The following EYS variants were observed in gnomAD, a reference collection of about 807,000 sequenced individuals.
The protein encoded by EYS is protein eyes shut homolog.
A neutral mutation model predicts 282.1 loss-of-function variants in EYS; 250 were observed. The observed-to-expected ratio is 0.89, with a 90% CI of 0.80 to 0.98. The LOEUF is 0.98. Ranked by LOEUF, EYS falls within the 50% of genes least tolerant of loss-of-function variation. The pLI is 0.00. For synonymous variants in EYS, 1,355 were observed against 1,282.9 expected (o/e 1.06, Z -1.20); for missense variants, 4,016 against 3,709.0 (o/e 1.08, Z -2.15).
intron 21 of EYS, among the ~76,000 whole-genome samples, chr6:64,815,040 T>G (rs564497960): frequency 8.7e-4 from 133 of 152,164 alleles, no homozygotes; most frequent in Non-Finnish European, 1.4e-3. Context: ...TAGATGATGT[T>G]AAAAATCATC....
intron 31 of EYS, among the ~76,000 whole-genome samples, chr6:64,179,552 TG>T (rs1353482497): frequency 6.6e-6 from 1 of 152,054 alleles, no homozygotes; most frequent in Non-Finnish European, 1.5e-5. Context: ...GTAAGAGGCC[TG>T]GCACTTAGTA....
chr6:63,727,737 A>AATATATATATATATATAT (rs70999122), intron 41 of EYS, among the ~76,000 whole-genome samples: 729 of 36,588 alleles, frequency 0.02, 56 homozygotes, highest in Non-Finnish European at 0.024. Context: ...AAAAAAAAAA[A>AATATATATATATATATAT]ATATATATAT....
chr6:63,977,379 A>G (rs967892996), intron 35 of EYS, among the ~76,000 whole-genome samples: 1 of 129,626 alleles, frequency 7.7e-6, no homozygotes, highest in African/African-American at 3.0e-5. Flanking sequence ...TAACTAATAT[A>G]TTTACCCATT....
chr6:64,632,306 T>C (rs1027349220), intron 22 of EYS, among the ~76,000 whole-genome samples: 1 of 13,428 alleles, frequency 7.4e-5, no homozygotes, highest in Non-Finnish European at 6.4e-3. Context: ...TCTTAAGATA[T>C]GCAAAAAATT....
intron 36 of EYS, among the ~76,000 whole-genome samples, chr6:63,811,287 C>A (rs531020291): frequency 6.6e-6 from 1 of 152,268 alleles, no homozygotes; most frequent in East Asian, 1.9e-4. Flanking sequence ...TCCAGTCAGG[C>A]TATCTTCTCT....
At chr6:65,029,095 A>G (rs1772518702) in intron 13 of EYS, among the ~76,000 whole-genome samples, 1 of 152,078 alleles carries the variant, frequency 6.6e-6, no homozygotes, top group African/African-American at 2.4e-5. Context: ...TGTCCTTTTG[A>G]TTTATTCTCC....
rs186185216 is a variant in EYS, at chr6:65,140,178, A to T, written c.2024-82451T>A. ...AAAAATTAGAAAGTCTCAGCAAAGA[A>T]ATATAAGATATTAAGAAGAATGAAA... On this transcript the variant is annotated intron_variant, in intron 12 of 42. Transcript: ENST00000503581. Among the ~76,000 whole-genome samples the T allele has an allele frequency of 3.2e-3, 491 of 152,190 alleles. 1 individual carries two copies. Among genetic ancestry groups the T allele is most frequent in the Non-Finnish European group, 5.1e-3 (346 of 67,984 alleles).
chr6:65,543,107 C>G (rs1415938597), intron 2 of EYS, among the ~76,000 whole-genome samples: 1 of 151,940 alleles, frequency 6.6e-6, no homozygotes, highest in Non-Finnish European at 1.5e-5. Context: ...CAACATCTGC[C>G]CCCCAGGCTC....
chr6:64,151,345 A>T (rs867573811), intron 31 of EYS, among the ~76,000 whole-genome samples: 3,304 of 118,284 alleles, frequency 0.028, 478 homozygotes, highest in African/African-American at 0.13. Context: ...ATATATATAT[A>T]TATATATATA....
intron 2 of EYS, among the ~76,000 whole-genome samples, chr6:65,530,224 C>T (rs1466714976): frequency 6.6e-6 from 1 of 152,098 alleles, no homozygotes; most frequent in Non-Finnish European, 1.5e-5. Flanking sequence ...AATTATTTTG[C>T]TTGGTAGCCT....
rs1471589627 is a variant in EYS, at chr6:64,307,039, A to G, written c.6122T>C (p.Ile2041Thr). Residue 2041 changes from isoleucine to threonine, a missense_variant, in exon 30 of 43, where the codon ATA (isoleucine) becomes ACA (threonine). By Grantham distance (89) the Ile-to-Thr change is moderately conservative. Coordinates refer to ENST00000503581, the MANE Select transcript of EYS (RefSeq NM_001142800.2). Reference sequence around the variant, plus strand: ...GAAAGATCTCCAGTTATTTATTTCTATAACTTCTATGCAGCCAGTAAAATT... The same window carrying G: ...GAAAGATCTCCAGTTATTTATTTCTGTAACTTCTATGCAGCCAGTAAAATT... ...VKNFTGCIEV[I>T]EINNWRSFIP... 3 of 1,544,386 alleles carry G rather than the reference A, an allele frequency of 1.9e-6. No individual in the cohort carries two copies. The highest frequency in any genetic ancestry group is 1.7e-4 in the Middle Eastern group (1 of 5,936).
chr6:65,179,778 C>T (rs1038072342), intron 12 of EYS, among the ~76,000 whole-genome samples: 4 of 151,974 alleles, frequency 2.6e-5, no homozygotes, highest in African/African-American at 7.3e-5. Flanking sequence ...GACCAATATC[C>T]TTGATGAACA....
At chr6:64,159,653 A>T in intron 31 of EYS, among the ~76,000 whole-genome samples, 1 of 148,242 alleles carries the variant, frequency 6.7e-6, no homozygotes, top group African/African-American at 2.5e-5. Flanking sequence ...ATTCTTGTTG[A>T]TGTGAAACCC....
chr6:65,659,695 T>C (rs1239284167), intron 1 of EYS, among the ~76,000 whole-genome samples: 1 of 147,842 alleles, frequency 6.8e-6, no homozygotes, highest in Non-Finnish European at 1.5e-5. Context: ...TTAGCTGCTA[T>C]GCTTTCTATT....
At chr6:64,152,747 A>T (rs971238407) in intron 31 of EYS, among the ~76,000 whole-genome samples, 1 of 152,008 alleles carries the variant, frequency 6.6e-6, no homozygotes, top group African/African-American at 2.4e-5. Context: ...GAAAAGGAAA[A>T]CCAATGAGAT....
chr6:64,599,042 G>C (rs1766676622), intron 24 of EYS, among the ~76,000 whole-genome samples: 1 of 152,180 alleles, frequency 6.6e-6, no homozygotes, highest in African/African-American at 2.4e-5. Context: ...AGAGAATAAG[G>C]GAAGGCCATG....
At chr6:63,964,563 A>G (rs1011912333) in intron 35 of EYS, among the ~76,000 whole-genome samples, 2 of 152,186 alleles carry the variant, frequency 1.3e-5, no homozygotes, top group African/African-American at 2.4e-5. Context: ...GCTTTCTTAC[A>G]GATGGAATCC....
At chr6:65,223,946 A>T (rs1461403547) in intron 12 of EYS, among the ~76,000 whole-genome samples, 1 of 152,144 alleles carries the variant, frequency 6.6e-6, no homozygotes, top group Non-Finnish European at 1.5e-5. Flanking sequence ...ATCTGTAAGT[A>T]ATACATTCAC....
At chr6:63,977,125 T>C (rs1266979859) in intron 35 of EYS, among the ~76,000 whole-genome samples, 1 of 151,754 alleles carries the variant, frequency 6.6e-6, no homozygotes, top group Admixed American at 6.6e-5. Flanking sequence ...TATTATTATA[T>C]ATTACTGTAC....
Sources: allele counts gnomAD v4.1 joint callset (sites outside exome capture counted in the v4.1 genomes callset), GRCh38; gene constraint gnomAD v4.1.1; transcripts MANE v1.5; gene names NCBI Gene and HGNC (gene_info 2026-07-23, HGNC 2026-07-21).